Variants in RBFOX1 observed in about 807,000 individuals in gnomAD.
RBFOX1 encodes the protein RNA binding protein fox-1 homolog 1.
Under a neutral mutation model 57.7 loss-of-function variants are expected in RBFOX1, and 8 were observed. The ratio of observed to expected loss-of-function variants is 0.14; its 90% confidence interval spans 0.08 to 0.25. The LOEUF (loss-of-function observed/expected upper bound fraction) is 0.25, where lower values mean the gene tolerates loss of function less well. RBFOX1 is among the 10% of genes least tolerant of loss of function. RBFOX1 has a pLI of 1.00. For synonymous variants in RBFOX1, 326 were observed against 222.4 expected, an observed-to-expected ratio of 1.47 and a Z score of -4.15; for missense variants, 611 against 548.5, an observed-to-expected ratio of 1.11 and a Z score of -1.14.
intron 7 of RBFOX1, among the ~76,000 whole-genome samples, chr16:7,594,656 GA>G (rs1169217342): frequency 1.3e-5 from 2 of 152,200 alleles, no homozygotes; most frequent in African/African-American, 4.8e-5. Context: ...ATCAGTAAAA[GA>G]GGAAGTGGCC....
At chr16:6,811,302 G>A (rs1259604583) in intron 3 of RBFOX1, among the ~76,000 whole-genome samples, 1 of 152,164 alleles carries the variant, frequency 6.6e-6, no homozygotes, top group East Asian at 1.9e-4. Context: ...TCTCAACTTT[G>A]TAAAATAGAA....
chr16:6,760,740 G>A (rs1006576496), intron 3 of RBFOX1, among the ~76,000 whole-genome samples: 8 of 152,206 alleles, frequency 5.3e-5, no homozygotes. Flanking sequence ...ATTAGGGCAA[G>A]GCACAGCCTT....
rs150603835 is a variant in RBFOX1 at position 6,591,862 on chromosome 16, A to C, written c.-63-62741A>C. 5.9e-5 allele frequency among the ~76,000 whole-genome samples: 9 copies of C among 152,314 alleles called. No individual in the cohort carries two copies. In the East Asian group the frequency reaches 1.7e-3, roughly 29 times the overall value. Reference sequence around the variant, plus strand: ...TTACATGAAGGAACCCTTTTGAAAGAATTTGGGAAAAGACATGAGAAAACA... The same window carrying C: ...TTACATGAAGGAACCCTTTTGAAAGCATTTGGGAAAAGACATGAGAAAACA... On this transcript the variant is annotated intron_variant, in intron 2 of 15. Coordinates refer to ENST00000550418, the MANE Select transcript of RBFOX1 (RefSeq NM_018723.4).
chr16:6,355,140 T>C (rs2087056988), intron 2 of RBFOX1, among the ~76,000 whole-genome samples: 1 of 152,168 alleles, frequency 6.6e-6, no homozygotes, highest in Non-Finnish European at 1.5e-5. Flanking sequence ...TATTCTTTTT[T>C]TATTATTAGT....
At chr16:6,049,018 C>T (rs1483688882) in intron 1 of RBFOX1, among the ~76,000 whole-genome samples, 1 of 148,232 alleles carries the variant, frequency 6.7e-6, no homozygotes, top group Non-Finnish European at 1.5e-5. Context: ...ATCCTTGTGC[C>T]ATTTTGACGA....
At chr16:7,635,606 C>A (rs890527606) in intron 11 of RBFOX1, among the ~76,000 whole-genome samples, 1 of 152,176 alleles carries the variant, frequency 6.6e-6, no homozygotes, top group South Asian at 2.1e-4. Context: ...TTTGACTTTA[C>A]AGAGGAGAGT....
At chr16:5,766,763 A>G (rs1313156060) in intron 3 of RBFOX1, among the ~76,000 whole-genome samples, 1 of 152,110 alleles carries the variant, frequency 6.6e-6, no homozygotes, top group Non-Finnish European at 1.5e-5. Context: ...ACAAACATCC[A>G]AACTGTATCA....
At chr16:5,268,388 C>A (rs1255587270) in intron 1 of RBFOX1, among the ~76,000 whole-genome samples, 1 of 151,886 alleles carries the variant, frequency 6.6e-6, no homozygotes, top group Non-Finnish European at 1.5e-5. Flanking sequence ...TTAGAGTCAA[C>A]AACAAGTACA....
chr16:7,483,948 C>T (rs531158854), intron 4 of RBFOX1, among the ~76,000 whole-genome samples: 7 of 152,332 alleles, frequency 4.6e-5, no homozygotes, highest in Non-Finnish European at 7.3e-5. Context: ...TCACAGTCTC[C>T]ACTACAGTTC....
chr16:7,648,598 A>G (rs904141132), intron 11 of RBFOX1, among the ~76,000 whole-genome samples: 1 of 152,192 alleles, frequency 6.6e-6, no homozygotes, highest in Non-Finnish European at 1.5e-5. Flanking sequence ...GGAATTATCA[A>G]GATTGTTATT....
intron 3 of RBFOX1, among the ~76,000 whole-genome samples, chr16:6,800,989 G>C (rs775667614): frequency 6.6e-6 from 1 of 152,050 alleles, no homozygotes; most frequent in African/African-American, 2.4e-5. Context: ...ATCAATAAAT[G>C]TTTGTTCAAT....
chr16:6,186,316 G>A (rs113303411), intron 1 of RBFOX1, among the ~76,000 whole-genome samples: 76 of 152,212 alleles, frequency 5.0e-4, no homozygotes, highest in African/African-American at 1.7e-3. Flanking sequence ...TCTGTGCAAG[G>A]GAATTTGGAG....
chr16:5,975,042 A>G (rs974077458), intron 4 of RBFOX1, among the ~76,000 whole-genome samples: 2 of 152,114 alleles, frequency 1.3e-5, no homozygotes, highest in Admixed American at 1.3e-4. Context: ...TAACAAAAGT[A>G]AAAAACCAAA....
At chr16:7,218,091 G>T (rs983926075) in intron 4 of RBFOX1, among the ~76,000 whole-genome samples, 3 of 152,132 alleles carry the variant, frequency 2.0e-5, no homozygotes, top group African/African-American at 7.2e-5. Flanking sequence ...GTGTGTGTGT[G>T]TGTGTGCCCC....
At chr16:7,438,135 G>A (rs2098737490) in intron 4 of RBFOX1, among the ~76,000 whole-genome samples, 1 of 152,142 alleles carries the variant, frequency 6.6e-6, no homozygotes, top group African/African-American at 2.4e-5. Context: ...ATCTTGGCAG[G>A]TGGGAATTTA....
At chr16:6,342,414 G>A (rs1392933983) in intron 2 of RBFOX1, among the ~76,000 whole-genome samples, 1 of 152,120 alleles carries the variant, frequency 6.6e-6, no homozygotes, top group Admixed American at 6.5e-5. Flanking sequence ...TTTTCACATT[G>A]AATGAATACA....
rs75964068 is a variant in RBFOX1 at position 7,511,032 on chromosome 16, G to A, written c.28-7115G>A. On this transcript the variant is annotated intron_variant, in intron 4 of 15. Coordinates refer to ENST00000550418, the MANE Select transcript of RBFOX1 (RefSeq NM_018723.4). ...CTCAAGAAGTTTGACTATAAAGGTGGGGAAATACAGGTGTGTGAGTGTGCA... is the reference window on the plus strand; with the variant it reads ...CTCAAGAAGTTTGACTATAAAGGTGAGGAAATACAGGTGTGTGAGTGTGCA... 7.0e-3 allele frequency among the ~76,000 whole-genome samples: 1,061 copies of A among 152,262 alleles called. 15 individuals are homozygous for A. The highest frequency in any genetic ancestry group is 0.024 in the African/African-American group (999 of 41,554).
chr16:6,885,751 C>A (rs186491943), intron 3 of RBFOX1, among the ~76,000 whole-genome samples: 75 of 152,194 alleles, frequency 4.9e-4, no homozygotes, highest in Middle Eastern at 3.4e-3. Flanking sequence ...AGGCTGGTCT[C>A]GAACTCATGC....
At chr16:6,830,863 G>A (rs1246545726) in intron 3 of RBFOX1, among the ~76,000 whole-genome samples, 2 of 152,132 alleles carry the variant, frequency 1.3e-5, no homozygotes, top group African/African-American at 4.8e-5. Context: ...AATTATTCAA[G>A]ATAGTAACTC....
Sources: gnomAD v4.1 joint callset for allele counts (sites outside exome capture counted in the v4.1 genomes callset) on GRCh38, gnomAD v4.1.1 for gene constraint, MANE v1.5 for transcripts, NCBI Gene and HGNC (gene_info 2026-07-23, HGNC 2026-07-21) for gene names.